Variants in LRRC37A observed in about 807,000 individuals in gnomAD.
The protein encoded by LRRC37A is leucine rich repeat containing 37A.
Under a neutral mutation model 35.4 loss-of-function variants are expected in LRRC37A, and 3 were observed. The observed-to-expected ratio is 0.08, with a 90% confidence interval of 0.04 to 0.22. The LOEUF (loss-of-function observed/expected upper bound fraction) is 0.22. Ranked by LOEUF, LRRC37A falls within the 10% of genes least tolerant of loss-of-function variation. LRRC37A has a pLI of 1.00. For missense variants in LRRC37A, 67 were observed against 565.3 expected, an observed-to-expected ratio of 0.12 and a Z score of 8.94; for synonymous variants, 23 against 215.0, an observed-to-expected ratio of 0.11 and a Z score of 7.81.
the LRRC37A span, among the ~76,000 whole-genome samples, chr17:46,269,541 C>T: frequency 6.6e-6 from 1 of 152,138 alleles, no homozygotes; most frequent in Non-Finnish European, 1.5e-5. Flanking sequence ...ACAAAGTGTA[C>T]AAAAGGGCCA....
At chr17:46,271,566 T>G in the LRRC37A span, among the ~76,000 whole-genome samples, 21,694 of 151,656 alleles carry the variant, frequency 0.14, 1,891 homozygotes, top group Non-Finnish European at 0.22. Context: ...GATCTGAAAG[T>G]CCACCAGGTT....
At chr17:46,291,226 G>T (rs778290478), upstream of LRRC37A, among the ~76,000 whole-genome samples, 1 of 152,242 alleles carries the variant, frequency 6.6e-6, no homozygotes, top group South Asian at 2.1e-4. Flanking sequence ...GGAGAACCAA[G>T]ATGGTATAGC....
the LRRC37A span, among the ~76,000 whole-genome samples, chr17:46,277,683 G>C: frequency 7.4e-6 from 1 of 136,028 alleles, no homozygotes; most frequent in African/African-American, 2.6e-5. Context: ...GAGTCTTGCT[G>C]TTGCCCAGGT....
At chr17:46,285,460 T>TGTCTTATCCAGTTATCCAGAATCTGTCTA in the LRRC37A span, among the ~76,000 whole-genome samples, 1 of 152,098 alleles carries the variant, frequency 6.6e-6, no homozygotes, top group East Asian at 1.9e-4. Context: ...CAGTCTGGTC[T>TGTCTTATCCAGTTATCCAGAATCTGTCTA]CAAACTCCTG....
At chr17:46,266,062 C>T in the LRRC37A span, among the ~76,000 whole-genome samples, 1 of 152,228 alleles carries the variant, frequency 6.6e-6, no homozygotes, top group Non-Finnish European at 1.5e-5. Flanking sequence ...TATAATGAAA[C>T]AGTTTTACTA....
At chr17:46,259,284 A>C in the LRRC37A span, among the ~76,000 whole-genome samples, 10 of 150,158 alleles carry the variant, frequency 6.7e-5, no homozygotes, top group Non-Finnish European at 1.2e-4. Flanking sequence ...TGGGGGTGGG[A>C]TAAGGAATGG....
At chr17:46,266,746 G>A in the LRRC37A span, among the ~76,000 whole-genome samples, 5 of 152,220 alleles carry the variant, frequency 3.3e-5, no homozygotes, top group South Asian at 1.0e-3. Flanking sequence ...GGGGATCTGG[G>A]GAGGGGGCGC....
At chr17:46,282,431 A>G in the LRRC37A span, among the ~76,000 whole-genome samples, 1 of 147,096 alleles carries the variant, frequency 6.8e-6, no homozygotes, top group Non-Finnish European at 1.5e-5. Flanking sequence ...TTTTTTTTTA[A>G]ACAGGCAAGT....
chr17:46,284,785 C>G, the LRRC37A span, among the ~76,000 whole-genome samples: 1 of 152,254 alleles, frequency 6.6e-6, no homozygotes, highest in Admixed American at 6.5e-5. Context: ...CACATTGAGA[C>G]TACGATTCCC....
the LRRC37A span, among the ~76,000 whole-genome samples, chr17:46,280,236 C>A: frequency 6.6e-6 from 1 of 152,160 alleles, no homozygotes; most frequent in Non-Finnish European, 1.5e-5. Flanking sequence ...TGGTGGCAGG[C>A]GCCTGTAATC....
the LRRC37A span, chr17:46,274,950 T>C: frequency 6.5e-6 from 1 of 153,750 alleles, no homozygotes; most frequent in Non-Finnish European, 1.4e-5. Context: ...TGGAGTGCAA[T>C]GGCTCAATCT....
At position 46,336,090 on chromosome 17, in the gene LRRC37A, G is replaced by C. The variant is rs1265479511; in HGVS notation, c.4859+496G>C. On this transcript the variant is annotated intron_variant, in intron 11 of 13. Coordinates refer to ENST00000320254, the Ensembl canonical transcript of LRRC37A. ...GGGAAAGGGGAAGGGAAGGCCACCGGGTGTGAGAGAGAGGGCACTTGTCTC... is the reference window on the plus strand; with the variant it reads ...GGGAAAGGGGAAGGGAAGGCCACCGCGTGTGAGAGAGAGGGCACTTGTCTC... Among the ~76,000 whole-genome samples the C allele has an allele frequency of 3.4e-4, 6 of 17,520 alleles. 2 individuals carry two copies. Among genetic ancestry groups the C allele is most frequent in the African/African-American group, 3.8e-4 (6 of 15,972 alleles). 11.5% of individuals were successfully genotyped at this position (17,520 alleles called of 152,430 possible). A position where few individuals can be genotyped will look rare whatever the true frequency, so the allele number is the denominator to read the frequency against.
the LRRC37A span, among the ~76,000 whole-genome samples, chr17:46,262,781 G>A: frequency 1.1e-3 from 164 of 148,334 alleles, no homozygotes; most frequent in African/African-American, 4.0e-3. Flanking sequence ...GCAAAACTCG[G>A]TCTTGGAAAA....
upstream of LRRC37A, among the ~76,000 whole-genome samples, chr17:46,291,969 C>CAAAAAAAAAAAAAAAAAAAAA (rs59554870): frequency 1.7e-5 from 1 of 58,090 alleles, no homozygotes; most frequent in Non-Finnish European, 3.2e-5. Flanking sequence ...TCTCAAAAAG[C>CAAAAAAAAAAAAAAAAAAAAA]AAAAAAAAAA....
At chr17:46,285,097 T>C in the LRRC37A span, among the ~76,000 whole-genome samples, 2 of 152,300 alleles carry the variant, frequency 1.3e-5, no homozygotes, top group South Asian at 4.1e-4. Flanking sequence ...TCTAACTAAT[T>C]GACTCAAGTG....
chr17:46,253,156 C>T, the LRRC37A span, among the ~76,000 whole-genome samples: 1 of 148,412 alleles, frequency 6.7e-6, no homozygotes, highest in Non-Finnish European at 1.5e-5. Context: ...GATGGGGTCA[C>T]GGCCGGGCAG....
At chr17:46,264,427 G>A in the LRRC37A span, among the ~76,000 whole-genome samples, 1 of 152,214 alleles carries the variant, frequency 6.6e-6, no homozygotes, top group Non-Finnish European at 1.5e-5. Flanking sequence ...GAACACATTA[G>A]GCTGTGAGAA....
the LRRC37A span, chr17:46,260,676 T>C: frequency 7.6e-7 from 1 of 1,316,992 alleles, no homozygotes. Flanking sequence ...CAGGCTGGAG[T>C]GCAATGGCGG....
At position 46,323,865 on chromosome 17, in the gene LRRC37A, A is replaced by G. The variant is rs2911781; in HGVS notation, c.3053+838A>G. ...ATAAAACAACAATACAACAATAAAA[A>G]CAGTAGAAAATTTAAAATACAGTAT... On this transcript the variant is annotated intron_variant, in intron 7 of 13. Transcript: ENST00000320254. 6.2e-5 allele frequency among the ~76,000 whole-genome samples: 6 copies of G among 97,022 alleles called. 1 individual carries two copies. The highest frequency in any genetic ancestry group is 5.3e-4 in the East Asian group (2 of 3,756). 63.7% of individuals were successfully genotyped at this position (97,022 alleles called of 152,430 possible). A position where few individuals can be genotyped will look rare whatever the true frequency, so the allele number is the denominator to read the frequency against.
Sources: allele counts gnomAD v4.1 joint callset (sites outside exome capture counted in the v4.1 genomes callset), GRCh38; gene constraint gnomAD v4.1.1; transcripts MANE v1.5; gene names NCBI Gene and HGNC (gene_info 2026-07-23, HGNC 2026-07-21).